Variants in PLCXD3 observed in about 807,000 individuals in gnomAD.
PLCXD3 encodes the protein PI-PLC X domain-containing protein 3.
In PLCXD3, 19 loss-of-function variants were observed where a neutral mutation model predicts 25.5. That is an observed-to-expected ratio of 0.75 (90% CI 0.52 to 1.09). The LOEUF is 1.09. Ranked by LOEUF, PLCXD3 falls within the 50% of genes least tolerant of loss-of-function variation. The pLI, the probability that PLCXD3 is intolerant of heterozygous loss-of-function variation, is 0.00. For synonymous variants in PLCXD3, 174 were observed against 137.6 expected (o/e 1.26, Z -1.85); for missense variants, 411 against 388.1 (o/e 1.06, Z -0.50).
intron 1 of PLCXD3, among the ~76,000 whole-genome samples, chr5:41,499,953 C>A (rs894505077): frequency 6.6e-6 from 1 of 151,662 alleles, no homozygotes; most frequent in Non-Finnish European, 1.5e-5. Flanking sequence ...GATTTTGAGT[C>A]CTTATCTTAT....
At chr5:41,372,527 G>C (rs905859714) in intron 2 of PLCXD3, among the ~76,000 whole-genome samples, 1 of 152,020 alleles carries the variant, frequency 6.6e-6, no homozygotes, top group Non-Finnish European at 1.5e-5. Flanking sequence ...TATTTCAAAA[G>C]TTTTGGGGTC....
intron 1 of PLCXD3, among the ~76,000 whole-genome samples, chr5:41,433,264 A>G (rs1310103300): frequency 6.6e-6 from 1 of 152,234 alleles, no homozygotes; most frequent in African/African-American, 2.4e-5. Context: ...ACTCTAAGTG[A>G]AAATAATGAC....
chr5:41,429,265 A>C (rs1747037289), intron 1 of PLCXD3, among the ~76,000 whole-genome samples: 1 of 152,092 alleles, frequency 6.6e-6, no homozygotes, highest in Admixed American at 6.6e-5. Flanking sequence ...TGATCTTCCA[A>C]TAAAGTCAGA....
In PLCXD3 at chr5:41,382,194, A is replaced by G; in HGVS notation, c.444T>C (p.Tyr148=). ...TTTCATGGTGATATTTCTGCATCCC[A>G]TAAAAGTGGTTGAAGTCCAAGAACA... ...EVVFLDFNHF[Y]GMQKYHHEKL... The change falls in exon 2 of 3, where the codon TAT becomes TAC. Residue 148 remains tyrosine (Y), a synonymous_variant. Transcript: ENST00000377801. 6.2e-7 allele frequency: 1 copy of G among 1,613,770 alleles called. No homozygotes were observed. The highest frequency in any genetic ancestry group is 8.5e-7 in the Non-Finnish European group (1 of 1,179,794).
chr5:41,496,785 A>G (rs1230658328), intron 1 of PLCXD3, among the ~76,000 whole-genome samples: 1 of 138,080 alleles, frequency 7.2e-6, no homozygotes, highest in Non-Finnish European at 1.6e-5. Flanking sequence ...ATATAGAGAT[A>G]AATACAGAAT....
intron 1 of PLCXD3, among the ~76,000 whole-genome samples, chr5:41,450,791 C>G (rs1045257960): frequency 6.6e-6 from 1 of 152,012 alleles, no homozygotes; most frequent in Non-Finnish European, 1.5e-5. Flanking sequence ...GGTCACACAA[C>G]CCCATTCTCT....
rs1401352457 is a variant in PLCXD3, at chr5:41,310,677, C to G, written c.*2940G>C. 2 of 152,544 alleles carry G rather than the reference C, an allele frequency of 1.3e-5. No individual in the cohort carries two copies. Among genetic ancestry groups the G allele is most frequent in the Non-Finnish European group, 2.9e-5 (2 of 68,018 alleles). The allele number at this position is 152,544 out of a possible 1,614,324, so 9.4% of individuals were successfully genotyped here. On this transcript the variant is annotated 3_prime_UTR_variant, in exon 3 of 3. Coordinates refer to ENST00000377801, the MANE Select transcript of PLCXD3 (RefSeq NM_001005473.3). ...ATGGATAGAAGACAGTCAAAGGCAC[C>G]TTCTCTCCATTCCCCTTTCCAAGGA...
chr5:41,334,431 G>T (rs769791052), intron 2 of PLCXD3, among the ~76,000 whole-genome samples: 9 of 152,094 alleles, frequency 5.9e-5, no homozygotes, highest in Non-Finnish European at 1.0e-4. Flanking sequence ...GCATAGAAGA[G>T]CTGCTGTTGC....
At chr5:41,324,304 A>G (rs2150471145) in intron 2 of PLCXD3, among the ~76,000 whole-genome samples, 1 of 152,326 alleles carries the variant, frequency 6.6e-6, no homozygotes, top group East Asian at 1.9e-4. Context: ...CCCAGATCTC[A>G]GAAAGTATAT....
At chr5:41,412,191 T>A (rs1376462869) in intron 1 of PLCXD3, among the ~76,000 whole-genome samples, 1 of 152,120 alleles carries the variant, frequency 6.6e-6, no homozygotes, top group East Asian at 1.9e-4. Context: ...CTTACTCATG[T>A]TTGGTCTCTT....
intron 1 of PLCXD3, among the ~76,000 whole-genome samples, chr5:41,394,350 A>G (rs1213067669): frequency 1.3e-5 from 2 of 152,300 alleles, no homozygotes; most frequent in Middle Eastern, 3.4e-3. Context: ...ACTAAAACAT[A>G]TCATCAGAAA....
chr5:41,500,474 G>A (rs1433819066), intron 1 of PLCXD3, among the ~76,000 whole-genome samples: 1 of 151,746 alleles, frequency 6.6e-6, no homozygotes, highest in Admixed American at 6.6e-5. Context: ...TGGGTACAAT[G>A]TATATTATTT....
chr5:41,319,859 T>C (rs1180659101), intron 2 of PLCXD3, among the ~76,000 whole-genome samples: 1 of 152,050 alleles, frequency 6.6e-6, no homozygotes, highest in Non-Finnish European at 1.5e-5. Flanking sequence ...GACAAACCTT[T>C]AGCCATACTA....
At chr5:41,394,331 G>T (rs1745931896) in intron 1 of PLCXD3, among the ~76,000 whole-genome samples, 1 of 151,756 alleles carries the variant, frequency 6.6e-6, no homozygotes, top group Admixed American at 6.6e-5. Context: ...AAAGTAAAAA[G>T]CAAGATAAAC....
chr5:41,351,256 A>C (rs565260489), intron 2 of PLCXD3, among the ~76,000 whole-genome samples: 175 of 152,120 alleles, frequency 1.2e-3, no homozygotes, highest in Non-Finnish European at 2.1e-3. Flanking sequence ...CATGCCACAC[A>C]CCTTTCTCAC....
chr5:41,375,983 G>A (rs1043753611), intron 2 of PLCXD3, among the ~76,000 whole-genome samples: 1 of 152,122 alleles, frequency 6.6e-6, no homozygotes, highest in African/African-American at 2.4e-5. Context: ...TTGTAAGGAT[G>A]CAAGGCCTTA....
chr5:41,490,680 G>A (rs181158534), intron 1 of PLCXD3, among the ~76,000 whole-genome samples: 2 of 152,126 alleles, frequency 1.3e-5, no homozygotes, highest in East Asian at 1.9e-4. Context: ...TATGTGTCGA[G>A]GAATTTATCC....
At chr5:41,387,449 C>A (rs1254732317) in intron 1 of PLCXD3, among the ~76,000 whole-genome samples, 1 of 152,072 alleles carries the variant, frequency 6.6e-6, no homozygotes. Context: ...TACATTTGGA[C>A]ACTACTTAAG....
rs192326793 is a variant in PLCXD3, at chr5:41,505,463, G to T, written c.103+4961C>A. On this transcript the variant is annotated intron_variant, in intron 1 of 2. Transcript: ENST00000377801. ...TGATGGCTTTCTGATGCTACATTTT[G>T]CATTATTTCATGATGCCACTTTTGC... is the stretch of plus-strand genomic sequence containing the variant. Among the ~76,000 whole-genome samples, 167 of 152,188 alleles carry T rather than the reference G, an allele frequency of 1.1e-3. 1 individual carries two copies. In the Middle Eastern group the frequency reaches 0.034, roughly 31 times the overall value.
Sources: gnomAD v4.1 joint callset for allele counts (sites outside exome capture counted in the v4.1 genomes callset) on GRCh38, gnomAD v4.1.1 for gene constraint, MANE v1.5 for transcripts, NCBI Gene and HGNC (gene_info 2026-07-23, HGNC 2026-07-21) for gene names.